RFNG: variants seen among roughly 807,000 people sequenced by gnomAD.
RFNG encodes beta-1,3-N-acetylglucosaminyltransferase radical fringe.
A neutral mutation model predicts 29.6 loss-of-function variants in RFNG; 37 were observed. The observed-to-expected ratio is 1.25, with a 90% CI of 0.96 to 1.65. The LOEUF is 1.65. Among genes scored for constraint, RFNG ranks in the 40% most tolerant of loss-of-function variants. The pLI is 0.00. For synonymous variants in RFNG, 276 were observed against 197.3 expected, an observed-to-expected ratio of 1.40 and a Z score of -3.34; for missense variants, 546 against 457.0, an observed-to-expected ratio of 1.19 and a Z score of -1.78.
At chr17:82,048,852 A>T in intron 7 of RFNG, 45 bp from the exon 8 acceptor site, 5 of 1,552,454 alleles carry the variant, frequency 3.2e-6, no homozygotes, top group Non-Finnish European at 4.4e-6. Flanking sequence ...GCGGAGAGAG[A>T]AGCGGGGGCC....
In RFNG at chr17:82,048,458, G is replaced by A. The variant is rs540092564; in HGVS notation, c.*268C>T. On this transcript the variant is annotated 3_prime_UTR_variant, in exon 8 of 8. Transcript: ENST00000310496. ...AGTGCTGGGGTGGAAGCCTGTTCCC[G>A]TGGGATCAACCTTGGGGCTGGGTCG... 8.6e-5 allele frequency: 44 copies of A among 509,132 alleles called. No homozygotes were observed. The highest frequency in any genetic ancestry group is 3.9e-4 in the African/African-American group (20 of 51,758). The allele number at this position is 509,132 out of a possible 1,614,324, so 31.5% of individuals were successfully genotyped here.
In RFNG at chr17:82,050,472, T is replaced by C; in HGVS notation, c.503A>G (p.Asp168Gly). The C allele has an allele frequency of 6.2e-7, 1 of 1,612,718 alleles. No homozygotes were observed. The highest frequency in any genetic ancestry group is 8.5e-7 in the Non-Finnish European group (1 of 1,179,832). Residue 168 changes from aspartate to glycine, a missense_variant, in exon 4 of 8, where the codon GAC (aspartate) becomes GGC (glycine). Coordinates refer to ENST00000310496, the MANE Select transcript of RFNG (RefSeq NM_002917.2). ...CAGGCTGGGCCGCCCCAGGTAGACG[T>C]CCTGGCTGGGTGAGAAGCTGGAGAG... is the stretch of plus-strand genomic sequence containing the variant. ...HLLSSFSPSQ[D>G]VYLGRPSLDH...
chr17:82,049,017 C>T lies in RFNG; in HGVS notation c.914+14G>A, dbSNP rs776162845. 1 of 1,612,524 alleles carries T rather than the reference C, an allele frequency of 6.2e-7. No individual in the cohort carries two copies. Among genetic ancestry groups the T allele is most frequent in the Non-Finnish European group, 8.5e-7 (1 of 1,179,484 alleles). ...TGCGGGGCCGAGGGCCTGCCCATGCCACTACCTACTCACCGTGTGGGGTCT... is the reference window on the plus strand; with the variant it reads ...TGCGGGGCCGAGGGCCTGCCCATGCTACTACCTACTCACCGTGTGGGGTCT... On this transcript the variant is annotated intron_variant, in intron 7 of 7. Transcript: ENST00000310496.
chr17:82,048,304 GC>G lies in RFNG; in HGVS notation c.*421del. On this transcript the variant is annotated 3_prime_UTR_variant, in exon 8 of 8. Transcript: ENST00000310496. ...TCCCCCACAAAGCCTGCCAGGCTGA[GC>G]CCTTGCAATGGCCGTGGCTGGGCCA... 4.5e-6 allele frequency: 1 copy of G among 221,788 alleles called. No individual in the cohort carries two copies. The highest frequency in any genetic ancestry group is 6.5e-5 in the South Asian group (1 of 15,390). 13.7% of individuals were successfully genotyped at this position (221,788 alleles called of 1,614,324 possible).
Position 82,050,777 on chromosome 17 carries a change from G to C in RFNG, c.317-13C>G. The C allele has an allele frequency of 6.2e-7, 1 of 1,611,728 alleles. No homozygotes were observed. The highest frequency in any genetic ancestry group is 1.1e-5 in the South Asian group (1 of 91,078). On this transcript the variant is annotated splice_polypyrimidine_tract_variant and intron_variant, in intron 2 of 7. Coordinates refer to ENST00000310496, the MANE Select transcript of RFNG (RefSeq NM_002917.2). Reference sequence around the variant, plus strand: ...ATGACACGGTCGCCTGCGAATCAGAGACGGGAAGCACGCACGTAGAGGATG... The same window carrying C: ...ATGACACGGTCGCCTGCGAATCAGACACGGGAAGCACGCACGTAGAGGATG...
chr17:82,050,236 C>A, intron 4 of RFNG, 166 bp downstream of exon 4: 2 of 884,212 alleles, frequency 2.3e-6, no homozygotes, highest in Non-Finnish European at 3.4e-6. Context: ...ACGGTGAGGG[C>A]CTCCTGGCCT....
chr17:82,050,956 C>A (rs2030449926), intron 2 of RFNG, 192 bp from the exon 3 acceptor site: 4 of 1,422,538 alleles, frequency 2.8e-6, no homozygotes, highest in Non-Finnish European at 2.8e-6. Context: ...CTGAAGCAGG[C>A]GGCCATCGGT....
At position 82,048,486 on chromosome 17, in the gene RFNG, G is replaced by A. The variant is rs2030062387; in HGVS notation, c.*240C>T. The A allele has an allele frequency of 3.6e-6, 2 of 555,538 alleles. No homozygotes were observed. The highest frequency in any genetic ancestry group is 3.1e-5 in the Admixed American group (1 of 32,362). The allele number at this position is 555,538 out of a possible 1,614,324, so 34.4% of individuals were successfully genotyped here. ...GGATCAACCTTGGGGCTGGGTCGGG[G>A]GGAGGGGCACTGCGGCCCTGGCCAT... On this transcript the variant is annotated 3_prime_UTR_variant, in exon 8 of 8. Transcript: ENST00000310496.
intron 6 of RFNG, 76 bp downstream of exon 6, chr17:82,049,588 CGGGCATCGGGCCG>C (rs774267269): frequency 1.9e-4 from 269 of 1,412,690 alleles, no homozygotes; most frequent in Middle Eastern, 5.4e-4. Context: ...CCTGCTCAGC[CGGGCATCGGGCCG>C]GGGCAGTGGG....
At chr17:82,048,949 G>C (rs533861256) in intron 7 of RFNG, 82 bp downstream of exon 7, 16,634 of 1,470,364 alleles carry the variant, frequency 0.011, 133 homozygotes, top group Non-Finnish European at 0.014. Context: ...AGGGAGCAGC[G>C]GGGGTCAGGG....
intron 6 of RFNG, 49 bp downstream of exon 6, chr17:82,049,628 G>A (rs773618616): frequency 1.4e-4 from 199 of 1,462,780 alleles, no homozygotes; most frequent in Non-Finnish European, 1.7e-4. Flanking sequence ...GGGGGAGTCA[G>A]GGCGGGGCAA....
chr17:82,050,127 A>C (rs1334627236), intron 4 of RFNG, 121 bp from the exon 5 acceptor site: 1 of 936,668 alleles, frequency 1.1e-6, no homozygotes, highest in Non-Finnish European at 1.6e-6. Flanking sequence ...AGGTAACAGA[A>C]GCTTCTTGGA....
chr17:82,051,178 G>C lies in RFNG; in HGVS notation c.316+116C>G, dbSNP rs921503215. On this transcript the variant is annotated intron_variant, in intron 2 of 7. Transcript: ENST00000310496. This position sits in a 1 kb window ranked among gnomAD's most constrained non-coding sequence, Gnocchi z 4.1. ...CCTGGGCAGCGTCGGGGCCTCCCCG[G>C]GCCTCGGGAGCCTGGGCAGAGAAAG... 2.3e-6 allele frequency: 3 copies of C among 1,305,576 alleles called. No homozygotes were observed. Among genetic ancestry groups the C allele is most frequent in the Non-Finnish European group, 2.9e-6 (3 of 1,024,680 alleles). The allele number at this position is 1,305,576 out of a possible 1,614,324, so 80.9% of individuals were successfully genotyped here.
intron 3 of RFNG, 51 bp downstream of exon 3, chr17:82,050,611 C>G: frequency 2.5e-6 from 4 of 1,608,568 alleles, no homozygotes; most frequent in Non-Finnish European, 3.4e-6. Flanking sequence ...ACAGGAGGCC[C>G]CCACCCAGCT....
At position 82,049,054 on chromosome 17, in the gene RFNG, G is replaced by A. The variant is rs756194087; in HGVS notation, c.891C>T (p.Phe297=). 4 of 1,613,360 alleles carry A rather than the reference G, an allele frequency of 2.5e-6. No individual in the cohort carries two copies. The highest frequency in any genetic ancestry group is 3.4e-6 in the Non-Finnish European group (4 of 1,179,888). The change falls in exon 7 of 8, where the codon TTC becomes TTT. Residue 297 remains phenylalanine, a synonymous_variant. Coordinates refer to ENST00000310496, the MANE Select transcript of RFNG (RefSeq NM_002917.2). ...PHNVVNVAGG[F]SLHQDPTRFK... Reference sequence around the variant, plus strand: ...ACCGTGTGGGGTCTTGATGCAGGCTGAAGCCTCCAGCCACGTTCACCACGT... The same window carrying A: ...ACCGTGTGGGGTCTTGATGCAGGCTAAAGCCTCCAGCCACGTTCACCACGT...
intron 7 of RFNG, 62 bp from the exon 8 acceptor site, chr17:82,048,869 G>A (rs945732283): frequency 1.9e-5 from 29 of 1,513,892 alleles, no homozygotes; most frequent in East Asian, 6.8e-5. Flanking sequence ...GGCCAGGGCC[G>A]TGGGCGGCGG....
At position 82,048,474 on chromosome 17, in the gene RFNG, G is replaced by T. The variant is rs995411550; in HGVS notation, c.*252C>A. 5 of 539,584 alleles carry T rather than the reference G, an allele frequency of 9.3e-6. No individual in the cohort carries two copies. The highest frequency in any genetic ancestry group is 1.7e-5 in the Non-Finnish European group (5 of 297,082). 33.4% of individuals were successfully genotyped at this position (539,584 alleles called of 1,614,324 possible). ...CCTGTTCCCGTGGGATCAACCTTGG[G>T]GCTGGGTCGGGGGGAGGGGCACTGC... On this transcript the variant is annotated 3_prime_UTR_variant, in exon 8 of 8. Coordinates refer to ENST00000310496, the MANE Select transcript of RFNG (RefSeq NM_002917.2).
chr17:82,050,225 T>G, intron 4 of RFNG, 177 bp downstream of exon 4: 1 of 841,174 alleles, frequency 1.2e-6, no homozygotes. Flanking sequence ...CTCTGCCCAG[T>G]ACGGTGAGGG....
At position 82,050,055 on chromosome 17, in the gene RFNG, C is replaced by T. The variant is rs201341781; in HGVS notation, c.574-49G>A. 791 of 1,474,234 alleles carry T rather than the reference C, an allele frequency of 5.4e-4. 5 individuals carry two copies. In the African/African-American group the frequency reaches 9.9e-3, roughly 19 times the overall value. 91.3% of individuals were successfully genotyped at this position (1,474,234 alleles called of 1,614,324 possible). On this transcript the variant is annotated intron_variant, in intron 4 of 7. Coordinates refer to ENST00000310496, the MANE Select transcript of RFNG (RefSeq NM_002917.2). The stretch of plus-strand genomic sequence containing the variant: ...GCTGCCCAGGACAGGGCTTCTCACC[C>T]CTGACTCTTCATGGGACTCCCCAGG...
Sources: allele counts gnomAD v4.1 joint callset, GRCh38; gene constraint gnomAD v4.1.1; non-coding constraint Gnocchi (gnomAD v3.1); transcripts MANE v1.5; gene names NCBI Gene and HGNC (gene_info 2026-07-23, HGNC 2026-07-21).